The following HNF4A variants were observed in gnomAD, a reference collection of about 807,000 sequenced individuals.
HNF4A encodes the protein hepatocyte nuclear factor 4 alpha, also known as hepatocyte nuclear factor 4-alpha.
Under a neutral mutation model 52.4 loss-of-function variants are expected in HNF4A, and 15 were observed. The ratio of observed to expected loss-of-function variants is 0.29; its 90% confidence interval spans 0.19 to 0.44. The LOEUF (loss-of-function observed/expected upper bound fraction) is 0.44. HNF4A is among the 20% of genes least tolerant of loss of function. The pLI, the probability that HNF4A is intolerant of heterozygous loss-of-function variation, is 1.00. For synonymous variants in HNF4A, 280 were observed against 264.4 expected (o/e 1.06, Z -0.57); for missense variants, 479 against 647.2 (o/e 0.74, Z 2.82).
chr20:44,386,043 G>C (rs568358073), intron 1 of HNF4A, among the ~76,000 whole-genome samples: 21 of 150,536 alleles, frequency 1.4e-4, no homozygotes, highest in Admixed American at 4.0e-4. Flanking sequence ...TTTTAATAGA[G>C]ACAGGGTTTC....
At chr20:44,384,228 AT>A (rs1406899360) in intron 1 of HNF4A, among the ~76,000 whole-genome samples, 1 of 144,128 alleles carries the variant, frequency 6.9e-6, no homozygotes, top group Non-Finnish European at 1.5e-5. Context: ...GGCAAATAGT[AT>A]TAAGTCAGGA....
At chr20:44,407,339 A>G (rs1366940034) in intron 2 of HNF4A, 42 bp from the exon 3 acceptor site, 7 of 1,435,030 alleles carry the variant, frequency 4.9e-6, no homozygotes, top group Non-Finnish European at 6.8e-6. Flanking sequence ...TAAGAGGAGG[A>G]AGTTGTGTCT....
chr20:44,383,511 T>C (rs1157320338), intron 1 of HNF4A, among the ~76,000 whole-genome samples: 2 of 151,906 alleles, frequency 1.3e-5, no homozygotes, highest in Non-Finnish European at 2.9e-5. Flanking sequence ...TAGACAGCTT[T>C]GGGGATCCAA....
intron 3 of HNF4A, among the ~76,000 whole-genome samples, chr20:44,411,880 A>AC (rs1196145540): frequency 2.7e-5 from 4 of 146,646 alleles, no homozygotes; most frequent in African/African-American, 1.0e-4. Context: ...ACCTAATGAG[A>AC]CCCCGTCTCT....
chr20:44,416,174 A>G (rs1948958081), intron 5 of HNF4A, among the ~76,000 whole-genome samples: 1 of 152,148 alleles, frequency 6.6e-6, no homozygotes, highest in Admixed American at 6.5e-5. Context: ...CAGGGGGTTG[A>G]ACCTGGGATC....
upstream of HNF4A, among the ~76,000 whole-genome samples, chr20:44,397,904 G>A (rs560761344): frequency 6.6e-5 from 10 of 152,326 alleles, no homozygotes; most frequent in Admixed American, 5.2e-4. Flanking sequence ...TAGGATTACA[G>A]GTGTGAGCCC....
At chr20:44,368,161 T>TATATATATATATATA (rs71195542) in intron 1 of HNF4A, among the ~76,000 whole-genome samples, 1 of 18,316 alleles carries the variant, frequency 5.5e-5, no homozygotes, top group African/African-American at 2.2e-4. Context: ...TATATATATA[T>TATATATATATATATA]TTTTTTTTTT....
chr20:44,414,700 T>G (rs781177868), intron 5 of HNF4A, 38 bp downstream of exon 5: 1 of 1,572,266 alleles, frequency 6.4e-7, no homozygotes, highest in Non-Finnish European at 8.6e-7. Flanking sequence ...TAGTGGGCAG[T>G]GGGCGGGGCA....
chr20:44,390,452 G>A, intron 1 of HNF4A: 2 of 586,576 alleles, frequency 3.4e-6, no homozygotes, highest in Non-Finnish European at 3.0e-6. Flanking sequence ...CATGGATCCT[G>A]GACAGGTCTG....
intron 9 of HNF4A, among the ~76,000 whole-genome samples, chr20:44,428,711 T>G (rs1307711498): frequency 6.6e-6 from 1 of 152,216 alleles, no homozygotes; most frequent in Non-Finnish European, 1.5e-5. Context: ...GGCAATCCAC[T>G]GGATGAGGTA....
intron 1 of HNF4A, among the ~76,000 whole-genome samples, chr20:44,366,271 C>T (rs1463340001): frequency 6.6e-6 from 1 of 152,006 alleles, no homozygotes; most frequent in Non-Finnish European, 1.5e-5. Context: ...GTGATAATAG[C>T]AAAAATTTAT....
At chr20:44,396,288 G>T (rs1354509153), upstream of HNF4A, among the ~76,000 whole-genome samples, 1 of 152,194 alleles carries the variant, frequency 6.6e-6, no homozygotes, top group Non-Finnish European at 1.5e-5. Flanking sequence ...GAGAAGGCTA[G>T]AAGGTTTTTA....
intron 3 of HNF4A, among the ~76,000 whole-genome samples, chr20:44,413,463 G>A (rs2146410558): frequency 6.6e-6 from 1 of 152,248 alleles, no homozygotes; most frequent in South Asian, 2.1e-4. Context: ...CGCCCCTGCT[G>A]ATGGGTGGAT....
intron 1 of HNF4A, among the ~76,000 whole-genome samples, chr20:44,404,015 G>C (rs1033770032): frequency 9.9e-5 from 15 of 152,166 alleles, no homozygotes; most frequent in Non-Finnish European, 1.8e-4. Context: ...CCATCTCCAG[G>C]AATAATTCAC....
chr20:44,425,626 G>T (rs1253766451), intron 8 of HNF4A, among the ~76,000 whole-genome samples: 1 of 150,914 alleles, frequency 6.6e-6, no homozygotes, highest in Non-Finnish European at 1.5e-5. Flanking sequence ...TGACCTCAGA[G>T]ATCCATTGTG....
At chr20:44,410,574 G>A (rs1399764672) in intron 3 of HNF4A, among the ~76,000 whole-genome samples, 1 of 152,114 alleles carries the variant, frequency 6.6e-6, no homozygotes, top group Non-Finnish European at 1.5e-5. Context: ...GTTGGGACAA[G>A]TTTTTATTTC....
chr20:44,398,511 G>A (rs1600692033), upstream of HNF4A, among the ~76,000 whole-genome samples: 1 of 152,338 alleles, frequency 6.6e-6, no homozygotes, highest in African/African-American at 2.4e-5. Flanking sequence ...TATGAGGAAT[G>A]TGTATCTAGG....
At position 44,361,704 on chromosome 20, in the gene HNF4A, C is replaced by CA. The variant is rs11477026; in HGVS notation, c.49+5860dup. On this transcript the variant is annotated intron_variant, in intron 1 of 9. Coordinates refer to the HNF4A transcript ENST00000316673. ...AAACCAAACCAAAACAAAACAAAAC[C>CA]AAAAAAAAACAACAAAAAAAACAAC... is the stretch of plus-strand genomic sequence containing the variant. Among the ~76,000 whole-genome samples the CA allele has an allele frequency of 4.3e-4, 64 of 149,224 alleles. No individual in the cohort carries two copies. In the South Asian group the frequency reaches 5.6e-3, roughly 13 times the overall value.
Position 44,387,344 on chromosome 20 carries a change from G to A in HNF4A, c.50-18714G>A, listed in dbSNP as rs78965882. ...ATTCCAGGCAGAGGGGAAAGTATAT[G>A]CAAAGGCCCCCAAGACAGGAAAGAA... is the stretch of plus-strand genomic sequence containing the variant. On this transcript the variant is annotated intron_variant, in intron 1 of 9. Coordinates refer to the HNF4A transcript ENST00000316673. Among the ~76,000 whole-genome samples, 1,038 of 145,786 alleles carry A rather than the reference G, an allele frequency of 7.1e-3. 8 individuals are homozygous for A. The highest frequency in any genetic ancestry group is 0.025 in the African/African-American group (996 of 39,598).
Sources: gnomAD v4.1 joint callset for allele counts (sites outside exome capture counted in the v4.1 genomes callset) on GRCh38, gnomAD v4.1.1 for gene constraint, MANE v1.5 for transcripts, NCBI Gene and HGNC (gene_info 2026-07-23, HGNC 2026-07-21) for gene names.